The following ANO3 variants were observed in gnomAD, a reference collection of about 807,000 sequenced individuals.
ANO3 encodes anoctamin 3, also known as anoctamin-3.
In ANO3, 99 loss-of-function variants were observed where a neutral mutation model predicts 144.8. The ratio of observed to expected loss-of-function variants is 0.68; its 90% confidence interval spans 0.58 to 0.81. The LOEUF (loss-of-function observed/expected upper bound fraction) is 0.81. ANO3 is among the 30% of genes least tolerant of loss of function. The pLI, the probability that ANO3 is intolerant of heterozygous loss-of-function variation, is 0.00. For synonymous variants in ANO3, 414 were observed against 392.6 expected, an observed-to-expected ratio of 1.05 and a Z score of -0.64; for missense variants, 905 against 1,202.2, an observed-to-expected ratio of 0.75 and a Z score of 3.66.
chr11:26,518,743 T>G (rs117050278), intron 6 of ANO3, among the ~76,000 whole-genome samples: 16,666 of 151,824 alleles, frequency 0.11, 1,281 homozygotes, highest in Admixed American at 0.15. Context: ...TTAGTGATTT[T>G]GGGGGAATAT....
intron 1 of ANO3, among the ~76,000 whole-genome samples, chr11:26,380,118 AG>A (rs1856549731): frequency 1.3e-5 from 2 of 152,252 alleles, no homozygotes; most frequent in South Asian, 2.1e-4. Flanking sequence ...AGTTCTAGTC[AG>A]GTACCAGTCG....
At chr11:26,513,251 T>A (rs1228913488) in intron 5 of ANO3, among the ~76,000 whole-genome samples, 2 of 152,122 alleles carry the variant, frequency 1.3e-5, no homozygotes, top group Non-Finnish European at 2.9e-5. Flanking sequence ...CTGGATGAAA[T>A]GAGGTTCTAA....
chr11:26,508,321 T>A (rs749586011), intron 5 of ANO3, 59 bp downstream of exon 5: 7 of 1,476,536 alleles, frequency 4.7e-6, no homozygotes, highest in African/African-American at 1.4e-5. Flanking sequence ...ATATAATCAC[T>A]TATGGTTTAG....
intron 1 of ANO3, among the ~76,000 whole-genome samples, chr11:26,371,160 C>T (rs899118654): frequency 6.6e-6 from 1 of 152,132 alleles, no homozygotes; most frequent in Admixed American, 6.5e-5. Flanking sequence ...AGTCTCAGGA[C>T]ATGGTGCCCT....
chr11:26,589,993 A>G (rs1456686899), intron 14 of ANO3, among the ~76,000 whole-genome samples: 1 of 152,212 alleles, frequency 6.6e-6, no homozygotes, highest in Non-Finnish European at 1.5e-5. Flanking sequence ...GAAGCTGATA[A>G]GAGGATCTAT....
intron 10 of ANO3, among the ~76,000 whole-genome samples, chr11:26,537,801 A>G (rs1285955356): frequency 6.6e-6 from 1 of 152,186 alleles, no homozygotes; most frequent in Non-Finnish European, 1.5e-5. Context: ...TGTGCCTACT[A>G]CTTTGGGATA....
At chr11:26,638,462 A>G (rs1853038362) in intron 20 of ANO3, among the ~76,000 whole-genome samples, 1 of 152,204 alleles carries the variant, frequency 6.6e-6, no homozygotes, top group South Asian at 2.1e-4. Flanking sequence ...ATCTTCAAAC[A>G]TTTAAAGTTA....
intron 14 of ANO3, chr11:26,561,251 T>C (rs778966166): frequency 2.2e-4 from 339 of 1,556,590 alleles, no homozygotes; most frequent in Non-Finnish European, 2.8e-4. Context: ...AATAATACTG[T>C]TTCACAGTGA....
chr11:26,405,853 T>A (rs1005512361), intron 1 of ANO3, among the ~76,000 whole-genome samples: 1 of 151,910 alleles, frequency 6.6e-6, no homozygotes, highest in Admixed American at 6.6e-5. Context: ...TGCCTTGTAA[T>A]ACATACTACA....
chr11:26,525,673 T>A lies in ANO3; in HGVS notation c.731T>A (p.Met244Lys). The A allele has an allele frequency of 6.2e-7, 1 of 1,610,092 alleles. No individual in the cohort carries two copies. The highest frequency in any genetic ancestry group is 8.5e-7 in the Non-Finnish European group (1 of 1,178,234). Residue 244 changes from methionine to lysine, a missense_variant, in exon 7 of 27, where the codon ATG becomes AAG. By Grantham distance (95) the Met-to-Lys change is moderately conservative. Transcript: ENST00000256737. ...TACACTGACGGGAGGAGCAAATCAA[T>A]GGGCAGGTTGGTGGGTGATGAATCA... Reference protein sequence around the residue: ...CYYTDGRSKSMGRMQTYFRRI... With the variant: ...CYYTDGRSKSKGRMQTYFRRI...
At chr11:26,442,944 T>G (rs1858573495) in intron 2 of ANO3, among the ~76,000 whole-genome samples, 1 of 152,104 alleles carries the variant, frequency 6.6e-6, no homozygotes, top group Non-Finnish European at 1.5e-5. Flanking sequence ...TTTTGTATTT[T>G]TAGTAGAGAC....
At chr11:26,484,482 T>C (rs1860364283) in intron 4 of ANO3, among the ~76,000 whole-genome samples, 2 of 152,048 alleles carry the variant, frequency 1.3e-5, no homozygotes, top group Admixed American at 1.3e-4. Flanking sequence ...AGGGCAAGAG[T>C]TGAGGCTTAT....
In ANO3 at chr11:26,504,746, G is replaced by A. The variant is rs376104162; in HGVS notation, c.433-3358G>A. ...AGAAGAGAAAAGGTAGAAGCCCGCC[G>A]GGCGCGGTGGCTCACGCCTGTAATC... On this transcript the variant is annotated intron_variant, in intron 4 of 26. Transcript: ENST00000256737. 1.3e-3 allele frequency among the ~76,000 whole-genome samples: 193 copies of A among 151,698 alleles called. 4 individuals carry two copies. The South Asian group carries it at 0.038, about 30-fold the overall frequency.
In ANO3 at chr11:26,247,869, A is replaced by G. The variant is rs376087968; in HGVS notation, c.154+58539A>G. ...CTCAGCCTCCCGAGTAGCTGAGATT[A>G]CAGGTGCCTGCCACCACACTCAGCT... On this transcript the variant is annotated intron_variant, in intron 1 of 27. Coordinates refer to the ANO3 transcript ENST00000672621. Among the ~76,000 whole-genome samples the G allele has an allele frequency of 4.0e-5, 6 of 151,202 alleles. No homozygotes were observed. In the East Asian group the frequency reaches 1.2e-3, roughly 30 times the overall value.
At chr11:26,233,301 C>T (rs537298976) in intron 1 of ANO3, among the ~76,000 whole-genome samples, 67 of 151,968 alleles carry the variant, frequency 4.4e-4, no homozygotes, top group African/African-American at 1.5e-3. Context: ...ACAGACACGT[C>T]TCAGAATAAG....
At chr11:26,385,409 A>G (rs1856695888) in intron 1 of ANO3, among the ~76,000 whole-genome samples, 3 of 152,190 alleles carry the variant, frequency 2.0e-5, no homozygotes, top group South Asian at 2.1e-4. Flanking sequence ...AAAATTCAAA[A>G]TTAGACTCAC....
chr11:26,366,756 G>T (rs11029536), intron 1 of ANO3, among the ~76,000 whole-genome samples: 32,925 of 140,478 alleles, frequency 0.23, 4,432 homozygotes, highest in African/African-American at 0.37. Flanking sequence ...TCATGTGTCT[G>T]TTGGCTGCAT....
At chr11:26,264,340 T>C (rs1344381886) in intron 1 of ANO3, among the ~76,000 whole-genome samples, 1 of 152,182 alleles carries the variant, frequency 6.6e-6, no homozygotes, top group African/African-American at 2.4e-5. Flanking sequence ...TCAAACCACA[T>C]ACTTAGGTAA....
At chr11:26,471,596 T>C (rs1040741290) in intron 4 of ANO3, among the ~76,000 whole-genome samples, 3 of 151,054 alleles carry the variant, frequency 2.0e-5, no homozygotes, top group Non-Finnish European at 1.5e-5. Context: ...ACAAAACAAA[T>C]AAAACTGCAC....
Sources: gnomAD v4.1 joint callset for allele counts (sites outside exome capture counted in the v4.1 genomes callset) on GRCh38, gnomAD v4.1.1 for gene constraint, MANE v1.5 for transcripts, NCBI Gene and HGNC (gene_info 2026-07-23, HGNC 2026-07-21) for gene names.